The following ZBTB20 variants were observed in gnomAD, a reference collection of about 807,000 sequenced individuals.
ZBTB20 encodes the protein zinc finger and BTB domain-containing protein 20.
In ZBTB20, 9 loss-of-function variants were observed where a neutral mutation model predicts 56.9. The ratio of observed to expected loss-of-function variants is 0.16; its 90% CI spans 0.10 to 0.28. ZBTB20 has a LOEUF of 0.28. Among genes scored for constraint, ZBTB20 ranks in the 10% least tolerant of loss-of-function variants. The pLI is 1.00. For synonymous variants in ZBTB20, 417 were observed against 420.7 expected (o/e 0.99, Z 0.11); for missense variants, 655 against 1,003.0 (o/e 0.65, Z 4.69).
chr3:114,515,485 C>G (rs923298674), intron 6 of ZBTB20, among the ~76,000 whole-genome samples: 3 of 152,168 alleles, frequency 2.0e-5, no homozygotes, highest in Non-Finnish European at 4.4e-5. Context: ...ATTACGGTTT[C>G]CAGCATAAGT....
chr3:114,346,541 C>T (rs184264894), intron 11 of ZBTB20, among the ~76,000 whole-genome samples: 2,395 of 152,132 alleles, frequency 0.016, 41 homozygotes, highest in Non-Finnish European at 0.017. Flanking sequence ...ACAGTACAAT[C>T]GTCTTTCATT....
intron 7 of ZBTB20, among the ~76,000 whole-genome samples, chr3:114,394,414 C>T (rs2108653958): frequency 6.6e-6 from 1 of 152,270 alleles, no homozygotes; most frequent in East Asian, 1.9e-4. Flanking sequence ...GATCACAGTA[C>T]AAGGAAGATG....
At chr3:114,686,834 C>T (rs558269712) in intron 6 of ZBTB20, among the ~76,000 whole-genome samples, 1 of 152,256 alleles carries the variant, frequency 6.6e-6, no homozygotes, top group Non-Finnish European at 1.5e-5. Context: ...GAACTTCCTT[C>T]CTTCCCTCCC....
intron 1 of ZBTB20, among the ~76,000 whole-genome samples, chr3:115,120,607 T>C (rs563218935): frequency 6.6e-6 from 1 of 152,066 alleles, no homozygotes; most frequent in African/African-American, 2.4e-5. Context: ...CTAGGAAAGG[T>C]AAATTTCTAA....
intron 1 of ZBTB20, among the ~76,000 whole-genome samples, chr3:115,102,302 C>T (rs537461499): frequency 2.9e-4 from 44 of 152,160 alleles, no homozygotes; most frequent in Non-Finnish European, 5.3e-4. Context: ...GAAACTTTTC[C>T]AAAATATATT....
intron 6 of ZBTB20, among the ~76,000 whole-genome samples, chr3:114,692,268 C>T (rs542481469): frequency 3.4e-4 from 52 of 152,160 alleles, no homozygotes; most frequent in South Asian, 1.7e-3. Flanking sequence ...GGTAGCATAG[C>T]AAGTAAAGCG....
intron 6 of ZBTB20, among the ~76,000 whole-genome samples, chr3:114,522,214 G>A (rs751606945): frequency 6.6e-6 from 1 of 152,150 alleles, no homozygotes; most frequent in Non-Finnish European, 1.5e-5. Context: ...AGTGAAAATT[G>A]AGCAAAGACC....
chr3:114,704,339 G>C (rs1367178947), intron 5 of ZBTB20, among the ~76,000 whole-genome samples: 1 of 151,794 alleles, frequency 6.6e-6, no homozygotes, highest in East Asian at 1.9e-4. Context: ...TCTGCCTACA[G>C]TGCATCTGTT....
At chr3:114,794,328 C>G (rs866334545) in intron 5 of ZBTB20, among the ~76,000 whole-genome samples, 2 of 151,904 alleles carry the variant, frequency 1.3e-5, no homozygotes, top group Non-Finnish European at 2.9e-5. Flanking sequence ...ATCTCCTGCA[C>G]TTAATATTTC....
At chr3:115,070,591 A>G (rs147229243) in intron 2 of ZBTB20, among the ~76,000 whole-genome samples, 2 of 152,202 alleles carry the variant, frequency 1.3e-5, no homozygotes, top group Non-Finnish European at 2.9e-5. Context: ...GAATGGATTT[A>G]CCATGGAAAA....
chr3:114,763,631 A>C (rs930969837), intron 5 of ZBTB20, among the ~76,000 whole-genome samples: 4 of 152,198 alleles, frequency 2.6e-5, no homozygotes, highest in African/African-American at 4.8e-5. Context: ...TAAAATGAGA[A>C]TAGTCATCTT....
At chr3:114,670,577 C>T (rs1321814593) in intron 6 of ZBTB20, among the ~76,000 whole-genome samples, 1 of 151,910 alleles carries the variant, frequency 6.6e-6, no homozygotes, top group East Asian at 1.9e-4. Context: ...GTACCTCCTA[C>T]CAAGAGACCA....
intron 2 of ZBTB20, among the ~76,000 whole-genome samples, chr3:115,060,354 G>A (rs537020839): frequency 1.3e-5 from 2 of 152,274 alleles, no homozygotes; most frequent in East Asian, 1.9e-4. Context: ...GTGAGCTAAT[G>A]TTATCACTTG....
chr3:114,334,152 A>G lies in ZBTB20; in HGVS notation c.*4853T>C, dbSNP rs1444040444. Reference sequence around the variant, plus strand: ...TTGATTATCTGATACCTTTTCCACAAAATCATATATCCCCTGCTCCCAGCC... The same window carrying G: ...TTGATTATCTGATACCTTTTCCACAGAATCATATATCCCCTGCTCCCAGCC... On this transcript the variant is annotated 3_prime_UTR_variant, in exon 12 of 12. Transcript: ENST00000675478. The G allele has an allele frequency of 6.6e-6, 1 of 152,164 alleles. No homozygotes were observed. The highest frequency in any genetic ancestry group is 1.5e-5 in the Non-Finnish European group (1 of 68,078). The allele number at this position is 152,164 out of a possible 1,614,324, so 9.4% of individuals were successfully genotyped here.
intron 2 of ZBTB20, among the ~76,000 whole-genome samples, chr3:115,027,870 T>C (rs546939165): frequency 6.6e-6 from 1 of 150,496 alleles, no homozygotes; most frequent in South Asian, 2.1e-4. Flanking sequence ...TTAAGAAAGG[T>C]TCCAGAAACA....
chr3:114,728,617 C>T (rs1244355420), intron 5 of ZBTB20, among the ~76,000 whole-genome samples: 1 of 152,182 alleles, frequency 6.6e-6, no homozygotes, highest in African/African-American at 2.4e-5. Flanking sequence ...CAGTAACTGC[C>T]CCTCTCAAGA....
chr3:114,827,327 G>A (rs569989496), intron 4 of ZBTB20, among the ~76,000 whole-genome samples: 8 of 151,760 alleles, frequency 5.3e-5, no homozygotes, highest in African/African-American at 1.7e-4. Context: ...TACAGTTTCT[G>A]TATATAGTGT....
chr3:115,046,396 G>A (rs544932538), intron 2 of ZBTB20, among the ~76,000 whole-genome samples: 1 of 152,254 alleles, frequency 6.6e-6, no homozygotes, highest in South Asian at 2.1e-4. Flanking sequence ...GCTTAATAAT[G>A]TGGCATCAAT....
intron 1 of ZBTB20, among the ~76,000 whole-genome samples, chr3:115,083,655 T>C (rs906295991): frequency 1.3e-5 from 2 of 152,062 alleles, no homozygotes; most frequent in African/African-American, 4.8e-5. Context: ...AGTTAAGCTA[T>C]AATTATAGCT....
Sources: gnomAD v4.1 joint callset for allele counts (sites outside exome capture counted in the v4.1 genomes callset) on GRCh38, gnomAD v4.1.1 for gene constraint, MANE v1.5 for transcripts, NCBI Gene and HGNC (gene_info 2026-07-23, HGNC 2026-07-21) for gene names.